Variants in CAB39L observed in about 807,000 individuals in gnomAD.
The protein encoded by CAB39L is calcium binding protein 39 like.
A neutral mutation model predicts 39.1 loss-of-function variants in CAB39L; 23 were observed. The ratio of observed to expected loss-of-function variants is 0.59; its 90% CI spans 0.42 to 0.83. CAB39L has a LOEUF of 0.83. CAB39L is among the 40% of genes least tolerant of loss of function. CAB39L has a pLI of 0.00. For synonymous variants in CAB39L, 126 were observed against 137.2 expected (o/e 0.92, Z 0.57); for missense variants, 366 against 391.9 (o/e 0.93, Z 0.56).
At chr13:49,403,354 TG>T (rs1418973306) in intron 3 of CAB39L, among the ~76,000 whole-genome samples, 1 of 152,038 alleles carries the variant, frequency 6.6e-6, no homozygotes, top group African/African-American at 2.4e-5. Context: ...TCCAAATAAC[TG>T]CAACCCAGAG....
At chr13:49,311,332 C>T (rs1953983247) in intron 10 of CAB39L, among the ~76,000 whole-genome samples, 1 of 152,146 alleles carries the variant, frequency 6.6e-6, no homozygotes, top group Non-Finnish European at 1.5e-5. Flanking sequence ...ACTGCCCGGC[C>T]AGCTGCATAA....
intron 3 of CAB39L, among the ~76,000 whole-genome samples, chr13:49,390,665 A>T (rs1439968697): frequency 6.6e-6 from 1 of 152,232 alleles, no homozygotes; most frequent in Non-Finnish European, 1.5e-5. Flanking sequence ...GGCTGCTATG[A>T]AAAAGAAGTA....
chr13:49,340,982 A>G (rs1172049636), intron 8 of CAB39L, among the ~76,000 whole-genome samples: 2 of 152,212 alleles, frequency 1.3e-5, no homozygotes, highest in African/African-American at 4.8e-5. Context: ...GAATGAATTT[A>G]TTAGTCTCTC....
At position 49,400,471 on chromosome 13, in the gene CAB39L, CACACACAT is replaced by C. The variant is rs924184884; in HGVS notation, c.-31-17538_-31-17531del. 1.2e-4 allele frequency among the ~76,000 whole-genome samples: 17 copies of C among 146,654 alleles called. 1 individual carries two copies. Among genetic ancestry groups the C allele is most frequent in the South Asian group, 4.2e-4 (2 of 4,728 alleles). The stretch of plus-strand genomic sequence containing the variant: ...ACACACACACACACACACACACACA[CACACACAT>C]GGTTATATTAGCTCTTCAACAGAAT... On this transcript the variant is annotated intron_variant, in intron 3 of 10. Transcript: ENST00000409308.
At position 49,360,810 on chromosome 13, in the gene CAB39L, C is replaced by G. The variant is rs1442434019; in HGVS notation, c.277-978G>C. On this transcript the variant is annotated intron_variant, in intron 5 of 10. Transcript: ENST00000409308. ...GGACTCTTTCCCCTTTGCTCATTCA[C>G]TCTTCCTTCTCCTGCTGCCATGTGA... Among the ~76,000 whole-genome samples the G allele has an allele frequency of 2.6e-5, 4 of 152,122 alleles. No individual in the cohort carries two copies. In the South Asian group the frequency reaches 6.2e-4, roughly 24 times the overall value.
chr13:49,394,395 T>C (rs1055604777), intron 3 of CAB39L, among the ~76,000 whole-genome samples: 21 of 152,092 alleles, frequency 1.4e-4, no homozygotes, highest in Admixed American at 1.4e-3. Flanking sequence ...AACTCAATTC[T>C]ATTGATGGTA....
intron 3 of CAB39L, among the ~76,000 whole-genome samples, chr13:49,411,684 C>G (rs1328098406): frequency 6.6e-6 from 1 of 152,068 alleles, no homozygotes; most frequent in Non-Finnish European, 1.5e-5. Flanking sequence ...CATGGTTGCA[C>G]AGTAGATGCA....
rs757346654 is a variant in CAB39L at position 49,377,002 on chromosome 13, T to A, written c.241A>T (p.Thr81Ser). The change falls in exon 5 of 11, where the codon ACA becomes TCA. Residue 81 changes from threonine to serine, a missense_variant. Physicochemically the swap from Thr to Ser is moderately conservative, Grantham distance 58 (BLOSUM62 1). Coordinates refer to ENST00000409308, the MANE Select transcript of CAB39L (RefSeq NM_001079670.3). ...ATCAGCTGCAGGTCAGCTATCAGTG[T>A]CACTAGCAGGCCACTGCTGTAGAGT... Reference protein sequence around the residue: ...QELYSSGLLVTLIADLQLIDF... With the variant: ...QELYSSGLLVSLIADLQLIDF... 13 of 1,612,834 alleles carry A rather than the reference T, an allele frequency of 8.1e-6. No homozygotes were observed. In the South Asian group the frequency reaches 1.4e-4, roughly 18 times the overall value.
At chr13:49,403,530 C>T (rs1022970047) in intron 3 of CAB39L, among the ~76,000 whole-genome samples, 1 of 151,860 alleles carries the variant, frequency 6.6e-6, no homozygotes, top group Non-Finnish European at 1.5e-5. Context: ...AGAAATGACA[C>T]AAATAATAGA....
At chr13:49,394,455 T>G (rs1337754173) in intron 3 of CAB39L, among the ~76,000 whole-genome samples, 1 of 152,082 alleles carries the variant, frequency 6.6e-6, no homozygotes, top group Non-Finnish European at 1.5e-5. Flanking sequence ...AATTAGACAA[T>G]AATTTGACAA....
intron 6 of CAB39L, among the ~76,000 whole-genome samples, chr13:49,355,258 T>G (rs9526545): frequency 6.6e-6 from 1 of 151,578 alleles, no homozygotes; most frequent in Non-Finnish European, 1.5e-5. Flanking sequence ...GGCATGCACT[T>G]GTAGTCCCGG....
chr13:49,314,428 T>C (rs953420171), intron 10 of CAB39L, among the ~76,000 whole-genome samples: 7 of 152,166 alleles, frequency 4.6e-5, no homozygotes, highest in Middle Eastern at 3.2e-3. Context: ...GCAAAGTGCC[T>C]GAACTGAATT....
At chr13:49,432,043 T>C (rs2138734342) in intron 3 of CAB39L, among the ~76,000 whole-genome samples, 1 of 152,284 alleles carries the variant, frequency 6.6e-6, no homozygotes, top group South Asian at 2.1e-4. Flanking sequence ...AAACGAGTAT[T>C]TATTTCTTGC....
At chr13:49,332,333 G>A (rs1374747931) in intron 9 of CAB39L, among the ~76,000 whole-genome samples, 1 of 152,112 alleles carries the variant, frequency 6.6e-6, no homozygotes, top group African/African-American at 2.4e-5. Flanking sequence ...CTTTGCTGCA[G>A]CTCACCTAGA....
chr13:49,395,638 T>C (rs1956599122), intron 3 of CAB39L, among the ~76,000 whole-genome samples: 1 of 152,186 alleles, frequency 6.6e-6, no homozygotes, highest in African/African-American at 2.4e-5. Context: ...AAAAAGATCA[T>C]CCAACTCTGC....
intron 5 of CAB39L, among the ~76,000 whole-genome samples, chr13:49,365,385 T>C (rs1331223941): frequency 2.6e-5 from 4 of 152,180 alleles, no homozygotes; most frequent in African/African-American, 7.2e-5. Flanking sequence ...AGGACATTGG[T>C]CTGGGCAGAA....
intron 5 of CAB39L, among the ~76,000 whole-genome samples, chr13:49,370,884 T>C (rs777406240): frequency 1.3e-5 from 2 of 152,186 alleles, no homozygotes; most frequent in Non-Finnish European, 2.9e-5. Flanking sequence ...TCATTAAGCT[T>C]TAGGGCAATA....
At chr13:49,410,113 G>T (rs1456616174) in intron 3 of CAB39L, among the ~76,000 whole-genome samples, 1 of 152,100 alleles carries the variant, frequency 6.6e-6, no homozygotes, top group Non-Finnish European at 1.5e-5. Context: ...AAAGGATGAG[G>T]TTAAGAAACA....
chr13:49,333,707 G>C (rs1158518775), intron 9 of CAB39L, among the ~76,000 whole-genome samples: 1 of 151,532 alleles, frequency 6.6e-6, no homozygotes, highest in Non-Finnish European at 1.5e-5. Flanking sequence ...GAGTAGCTGA[G>C]ACTACAGCCA....
Sources: allele counts gnomAD v4.1 joint callset (sites outside exome capture counted in the v4.1 genomes callset), GRCh38; gene constraint gnomAD v4.1.1; transcripts MANE v1.5; gene names NCBI Gene and HGNC (gene_info 2026-07-23, HGNC 2026-07-21).